Variants in FAM135B observed in about 807,000 individuals in gnomAD.
FAM135B encodes the protein family with sequence similarity 135 member B.
Under a neutral mutation model 127.7 loss-of-function variants are expected in FAM135B, and 43 were observed. The observed-to-expected ratio is 0.34, with a 90% confidence interval of 0.26 to 0.43. The LOEUF is 0.43. Among genes scored for constraint, FAM135B ranks in the 20% least tolerant of loss-of-function variants. The probability of loss-of-function intolerance (pLI) is 1.00; values close to 1 mark genes in which losing one functional copy is unlikely to be tolerated. For missense variants in FAM135B, 1,558 were observed against 1,725.6 expected (o/e 0.90, Z 1.72); for synonymous variants, 670 against 665.1 (o/e 1.01, Z -0.11).
chr8:138,136,657 T>G (rs1041157807), intron 19 of FAM135B, among the ~76,000 whole-genome samples: 1 of 152,210 alleles, frequency 6.6e-6, no homozygotes. Flanking sequence ...CCATCTTGAT[T>G]GTCTGGAAAA....
chr8:138,179,578 T>C (rs1040656883), intron 9 of FAM135B, among the ~76,000 whole-genome samples: 3 of 152,112 alleles, frequency 2.0e-5, no homozygotes, highest in African/African-American at 7.2e-5. Context: ...TTAAAAAACG[T>C]CCTGAGAGAA....
intron 3 of FAM135B, among the ~76,000 whole-genome samples, chr8:138,295,179 G>A (rs1196154293): frequency 7.2e-6 from 1 of 139,198 alleles, no homozygotes; most frequent in East Asian, 2.2e-4. Flanking sequence ...CACAGGAAGG[G>A]CTGACGTCTA....
intron 3 of FAM135B, among the ~76,000 whole-genome samples, chr8:138,272,877 T>C (rs985092457): frequency 2.6e-5 from 4 of 152,184 alleles, no homozygotes; most frequent in African/African-American, 9.7e-5. Flanking sequence ...TTAAAAGACA[T>C]GGGTTTACTC....
chr8:138,406,485 AT>A, intron 1 of FAM135B, among the ~76,000 whole-genome samples: 1 of 151,632 alleles, frequency 6.6e-6, no homozygotes, highest in African/African-American at 2.4e-5. Flanking sequence ...AATATCCTTG[AT>A]GAACATTGAT....
At chr8:138,387,891 G>GA (rs1275758308) in intron 1 of FAM135B, among the ~76,000 whole-genome samples, 1 of 152,080 alleles carries the variant, frequency 6.6e-6, no homozygotes, top group Non-Finnish European at 1.5e-5. Context: ...CTATTAATAT[G>GA]AAAATCATAT....
chr8:138,130,552 C>T lies in FAM135B; in HGVS notation c.*2041G>A, dbSNP rs1300797257. On this transcript the variant is annotated 3_prime_UTR_variant, in exon 20 of 20. Coordinates refer to ENST00000395297, the MANE Select transcript of FAM135B (RefSeq NM_015912.4). ...GCTCCATAACCGCGGGCTACACAGT[C>T]TTTCAAAGGACCAGGGAATGACGAA... 6.6e-6 allele frequency: 1 copy of T among 152,172 alleles called. No individual in the cohort carries two copies. Among genetic ancestry groups the T allele is most frequent in the East Asian group, 1.9e-4 (1 of 5,186 alleles). 9.4% of individuals were successfully genotyped at this position (152,172 alleles called of 1,614,324 possible).
At chr8:138,260,432 G>A (rs1461455108) in intron 4 of FAM135B, among the ~76,000 whole-genome samples, 11 of 152,204 alleles carry the variant, frequency 7.2e-5, no homozygotes, top group East Asian at 1.9e-4. Context: ...GTGCCCCCGC[G>A]AAAGGGGCAC....
chr8:138,475,447 C>A (rs2131667845), intron 1 of FAM135B, among the ~76,000 whole-genome samples: 2 of 152,230 alleles, frequency 1.3e-5, no homozygotes, highest in South Asian at 4.1e-4. Context: ...CACTATATTG[C>A]CAGCTCTCAA....
At chr8:138,449,312 A>C (rs1836363862) in intron 1 of FAM135B, among the ~76,000 whole-genome samples, 1 of 152,146 alleles carries the variant, frequency 6.6e-6, no homozygotes, top group South Asian at 2.1e-4. Flanking sequence ...CCATAAAGGG[A>C]TTGAGGCTGG....
At chr8:138,492,053 C>T (rs1587564467) in intron 1 of FAM135B, among the ~76,000 whole-genome samples, 1 of 152,174 alleles carries the variant, frequency 6.6e-6, no homozygotes, top group Non-Finnish European at 1.5e-5. Context: ...CACAAAAGGG[C>T]TTTGAGCAAA....
intron 7 of FAM135B, among the ~76,000 whole-genome samples, chr8:138,227,814 T>C (rs1305369042): frequency 6.6e-6 from 1 of 151,272 alleles, no homozygotes; most frequent in African/African-American, 2.4e-5. Context: ...TTTTTAAGTG[T>C]ACAATACAGT....
chr8:138,222,151 A>G (rs989936400), intron 7 of FAM135B, among the ~76,000 whole-genome samples: 1 of 152,154 alleles, frequency 6.6e-6, no homozygotes, highest in Admixed American at 6.5e-5. Context: ...GGAGAAACAG[A>G]AGGACAACTG....
chr8:138,169,988 C>T (rs997589526), intron 11 of FAM135B, among the ~76,000 whole-genome samples: 1 of 152,138 alleles, frequency 6.6e-6, no homozygotes, highest in African/African-American at 2.4e-5. Context: ...TAGGAATCAG[C>T]GCCTATCTCT....
intron 13 of FAM135B, among the ~76,000 whole-genome samples, chr8:138,150,919 A>G (rs1818085367): frequency 2.0e-5 from 3 of 152,074 alleles, no homozygotes; most frequent in African/African-American, 7.2e-5. Context: ...ATCAATATAG[A>G]TTCACATAGA....
At chr8:138,212,689 T>C (rs994568630) in intron 7 of FAM135B, among the ~76,000 whole-genome samples, 8 of 152,238 alleles carry the variant, frequency 5.3e-5, no homozygotes, top group African/African-American at 1.9e-4. Flanking sequence ...CATTTATAGA[T>C]GGCACTTTCA....
intron 3 of FAM135B, among the ~76,000 whole-genome samples, chr8:138,271,389 C>G (rs949440598): frequency 6.6e-6 from 1 of 152,086 alleles, no homozygotes; most frequent in Non-Finnish European, 1.5e-5. Flanking sequence ...TATGCCTCAC[C>G]TATAATTTTA....
At chr8:138,212,860 G>A (rs1818247420) in intron 7 of FAM135B, among the ~76,000 whole-genome samples, 1 of 152,182 alleles carries the variant, frequency 6.6e-6, no homozygotes, top group African/African-American at 2.4e-5. Context: ...CAATTTAGTT[G>A]TCAGATCATT....
chr8:138,138,764 C>A (rs1395809461), intron 18 of FAM135B, among the ~76,000 whole-genome samples: 1 of 152,246 alleles, frequency 6.6e-6, no homozygotes, highest in Admixed American at 6.5e-5. Context: ...ATCTTACACA[C>A]ACCTTGGCTC....
At chr8:138,331,141 A>G (rs1363515077) in intron 2 of FAM135B, among the ~76,000 whole-genome samples, 2 of 152,216 alleles carry the variant, frequency 1.3e-5, no homozygotes, top group East Asian at 3.9e-4. Context: ...CTGGCATGCC[A>G]CATATGGTAG....
Sources: allele counts gnomAD v4.1 joint callset (sites outside exome capture counted in the v4.1 genomes callset), GRCh38; gene constraint gnomAD v4.1.1; transcripts MANE v1.5; gene names NCBI Gene and HGNC (gene_info 2026-07-23, HGNC 2026-07-21).